Variants in NFATC1 observed in about 807,000 individuals in gnomAD.
NFATC1 encodes nuclear factor of activated T cells 1, also known as nuclear factor of activated T-cells, cytoplasmic 1.
In NFATC1, 22 loss-of-function variants were observed where a neutral mutation model predicts 76.0. The observed-to-expected ratio is 0.29, with a 90% CI of 0.21 to 0.41. NFATC1 has a LOEUF of 0.41. NFATC1 is among the 10% of genes least tolerant of loss of function. The pLI is 1.00. For synonymous variants in NFATC1, 704 were observed against 613.1 expected, an observed-to-expected ratio of 1.15 and a Z score of -2.19; for missense variants, 1,357 against 1,337.7, an observed-to-expected ratio of 1.01 and a Z score of -0.23.
intron 2 of NFATC1, among the ~76,000 whole-genome samples, chr18:79,425,791 G>C (rs1283320220): frequency 1.3e-5 from 2 of 152,224 alleles, no homozygotes; most frequent in South Asian, 2.1e-4. Flanking sequence ...CCAGGTGGGC[G>C]GGGGAGGAGC....
At chr18:79,413,161 G>A (rs555661643) in intron 2 of NFATC1, among the ~76,000 whole-genome samples, 30 of 152,296 alleles carry the variant, frequency 2.0e-4, no homozygotes, top group Non-Finnish European at 3.4e-4. Context: ...CCATCACCGC[G>A]GAACTTCACT....
At chr18:79,429,408 T>A (rs1228627105) in intron 2 of NFATC1, among the ~76,000 whole-genome samples, 3 of 152,060 alleles carry the variant, frequency 2.0e-5, no homozygotes, top group Non-Finnish European at 2.9e-5. Context: ...GTGTCACTTT[T>A]TTAAAAAATT....
chr18:79,461,443 G>C, intron 7 of NFATC1, 77 bp downstream of exon 7: 3 of 1,492,538 alleles, frequency 2.0e-6, no homozygotes, highest in Non-Finnish European at 2.8e-6. Flanking sequence ...GAGCCACTGC[G>C]GGTCCCCAGG....
intron 3 of NFATC1, among the ~76,000 whole-genome samples, chr18:79,435,924 G>T (rs1362237125): frequency 3.9e-5 from 6 of 152,164 alleles, no homozygotes; most frequent in Admixed American, 3.9e-4. Flanking sequence ...CTCATTTGTA[G>T]AAATTAGTAA....
Position 79,528,894 on chromosome 18 carries a change from G to A in NFATC1, c.*1317G>A, listed in dbSNP as rs748882817. The A allele has an allele frequency of 2.6e-5, 4 of 152,616 alleles. No homozygotes were observed. Among genetic ancestry groups the A allele is most frequent in the Non-Finnish European group, 4.4e-5 (3 of 68,046 alleles). 9.5% of individuals were successfully genotyped at this position (152,616 alleles called of 1,614,324 possible). ...ATCTATTGTTCCATATAACCAAAAA[G>A]CATGGTTTATTCATTGAAACACGGT... On this transcript the variant is annotated 3_prime_UTR_variant, in exon 10 of 10. Transcript: ENST00000427363.
At chr18:79,486,203 C>G in intron 8 of NFATC1, 45 bp from the exon 9 acceptor site, 2 of 1,551,250 alleles carry the variant, frequency 1.3e-6, no homozygotes, top group Non-Finnish European at 1.8e-6. Flanking sequence ...TGATCACACT[C>G]ATTCGCAACT....
intron 8 of NFATC1, among the ~76,000 whole-genome samples, chr18:79,476,610 C>T (rs901433331): frequency 6.6e-6 from 1 of 152,170 alleles, no homozygotes; most frequent in Non-Finnish European, 1.5e-5. Flanking sequence ...TGTTTTCACG[C>T]TTCTGTATGT....
At chr18:79,454,032 G>A (rs55748815) in intron 6 of NFATC1, among the ~76,000 whole-genome samples, 7 of 152,076 alleles carry the variant, frequency 4.6e-5, no homozygotes, top group African/African-American at 1.2e-4. Context: ...TTGCCCTCTC[G>A]TTTTCTGATG....
intron 9 of NFATC1, among the ~76,000 whole-genome samples, chr18:79,492,005 C>T (rs953214536): frequency 2.0e-5 from 3 of 152,216 alleles, no homozygotes; most frequent in African/African-American, 7.2e-5. Context: ...ATGCTGACGA[C>T]GGCCTGCCCG....
intron 2 of NFATC1, chr18:79,421,867 C>G (rs1313853509): frequency 6.6e-6 from 1 of 152,326 alleles, no homozygotes; most frequent in African/African-American, 2.4e-5. Context: ...TTGGGCACGT[C>G]TTGGTGCTGG....
chr18:79,447,041 A>G (rs1600736651), intron 3 of NFATC1, among the ~76,000 whole-genome samples: 1 of 152,040 alleles, frequency 6.6e-6, no homozygotes, highest in African/African-American at 2.4e-5. Flanking sequence ...CCGTCGCTTC[A>G]CTGTGGCCTC....
At chr18:79,427,573 C>T (rs1295127036) in intron 2 of NFATC1, among the ~76,000 whole-genome samples, 11 of 5,044 alleles carry the variant, frequency 2.2e-3, no homozygotes, top group East Asian at 5.1e-3. Context: ...TGCAGTGGGT[C>T]GGGGGGAGCT....
In NFATC1 at chr18:79,464,648, T is replaced by TTGTGTG. The variant is rs140357862; in HGVS notation, c.1960-2784_1960-2779dup. Reference sequence around the variant, plus strand: ...TACATTATATTGTGGATATATGTGTTTGTGTGTGTGTGTGTGTGTGTGTAT... The same window carrying TTGTGTG: ...TACATTATATTGTGGATATATGTGTTTGTGTGTGTGTGTGTGTGTGTGTGTGTGTAT... On this transcript the variant is annotated intron_variant, in intron 7 of 9. Transcript: ENST00000427363. Among the ~76,000 whole-genome samples the TTGTGTG allele has an allele frequency of 3.4e-3, 442 of 131,606 alleles. 12 individuals are homozygous for TTGTGTG. Among genetic ancestry groups the TTGTGTG allele is most frequent in the Admixed American group, 0.01 (139 of 13,360 alleles). 86.3% of individuals were successfully genotyped at this position (131,606 alleles called of 152,430 possible).
chr18:79,515,953 G>A (rs1332115125), intron 9 of NFATC1: 1 of 151,580 alleles, frequency 6.6e-6, no homozygotes. Context: ...ATGGCAGTTT[G>A]GTGCAGATAA....
At chr18:79,425,149 C>T (rs1050123201) in intron 2 of NFATC1, among the ~76,000 whole-genome samples, 4 of 141,000 alleles carry the variant, frequency 2.8e-5, no homozygotes, top group Non-Finnish European at 6.0e-5. Context: ...CTCTCTGTGT[C>T]TCTCTCCGTC....
Position 79,451,561 on chromosome 18 carries a change from G to A in NFATC1, c.1763-115G>A, listed in dbSNP as rs184877806. 1.6e-4 allele frequency: 190 copies of A among 1,211,444 alleles called. No homozygotes were observed. In the Admixed American group the frequency reaches 1.7e-3, roughly 11 times the overall value. The allele number at this position is 1,211,444 out of a possible 1,614,324, so 75.0% of individuals were successfully genotyped here. ...ATCCGCAGGGGTCGGCCCGCAGGTC[G>A]TGGCGGTGCTTGCTCTGGGTGGGTC... On this transcript the variant is annotated intron_variant, in intron 5 of 9. Transcript: ENST00000427363.
At position 79,488,298 on chromosome 18, in the gene NFATC1, T is replaced by TTGTGTG. The variant is rs3222211; in HGVS notation, c.2782+1394_2782+1399dup. On this transcript the variant is annotated intron_variant, in intron 9 of 9. Coordinates refer to ENST00000427363, the MANE Select transcript of NFATC1 (RefSeq NM_001278669.2). ...TGTCCCATGGAGCCCGCAGCCCTGG[T>TTGTGTG]TGTGTGTGTGTGTGTGTGTGTGTGT... Among the ~76,000 whole-genome samples, 1,230 of 141,072 alleles carry TTGTGTG rather than the reference T, an allele frequency of 8.7e-3. 8 individuals are homozygous for TTGTGTG. Among genetic ancestry groups the TTGTGTG allele is most frequent in the South Asian group, 0.018 (82 of 4,478 alleles). 92.5% of individuals were successfully genotyped at this position (141,072 alleles called of 152,430 possible). A position where few individuals can be genotyped will look rare whatever the true frequency, so the allele number is the denominator to read the frequency against.
At chr18:79,495,710 G>T (rs772386298) in intron 9 of NFATC1, among the ~76,000 whole-genome samples, 1 of 152,270 alleles carries the variant, frequency 6.6e-6, no homozygotes, top group Non-Finnish European at 1.5e-5. Flanking sequence ...AGTGTGGGGC[G>T]TGTGTGCGAT....
chr18:79,461,729 G>A (rs1445294680), intron 7 of NFATC1, among the ~76,000 whole-genome samples: 1 of 152,200 alleles, frequency 6.6e-6, no homozygotes, highest in African/African-American at 2.4e-5. Context: ...ACCATCACCT[G>A]GCACAGAGCA....
Sources: allele counts gnomAD v4.1 joint callset (sites outside exome capture counted in the v4.1 genomes callset), GRCh38; gene constraint gnomAD v4.1.1; transcripts MANE v1.5; gene names NCBI Gene and HGNC (gene_info 2026-07-23, HGNC 2026-07-21).